TSPAN13: variants seen among roughly 807,000 people sequenced by gnomAD.
TSPAN13 encodes the protein tetraspanin-13.
A neutral mutation model predicts 26.9 loss-of-function variants in TSPAN13; 18 were observed. That is an observed-to-expected ratio of 0.67 (90% CI 0.46 to 0.99). TSPAN13 has a LOEUF of 0.99. TSPAN13 is among the 50% of genes least tolerant of loss of function. TSPAN13 has a pLI of 0.00. For missense variants in TSPAN13, 201 were observed against 249.6 expected, an observed-to-expected ratio of 0.81 and a Z score of 1.31; for synonymous variants, 116 against 98.4, an observed-to-expected ratio of 1.18 and a Z score of -1.06.
Position 16,779,013 on chromosome 7 carries a change from A to G in TSPAN13, c.437A>G (p.Lys146Arg). 1 of 1,612,574 alleles carries G rather than the reference A, an allele frequency of 6.2e-7. No homozygotes were observed. Among genetic ancestry groups the G allele is most frequent in the Non-Finnish European group, 8.5e-7 (1 of 1,179,468 alleles). Residue 146 changes from lysine (K) to arginine (R), a missense_variant, in exon 5 of 6, where the codon AAA (lysine) becomes AGA (arginine). Lys to Arg is a conservative substitution (Grantham distance 26). Transcript: ENST00000262067. ...PNDTCLASCV[K>R]SDHSCSPCAP... ...CTTTAATTGGTGCAGAGCTGTGTTA[A>G]AAGTGACCACTCGTGCTCGCCATGT...
At chr7:16,782,418 AG>A (rs1784823091) in intron 5 of TSPAN13, among the ~76,000 whole-genome samples, 1 of 152,226 alleles carries the variant, frequency 6.6e-6, no homozygotes, top group African/African-American at 2.4e-5. Flanking sequence ...TTAGGTTAAA[AG>A]TTGGCACACG....
rs868846016 is a variant in TSPAN13, at chr7:16,756,201, A to C, written c.63+2171A>C. On this transcript the variant is annotated intron_variant, in intron 1 of 5. Transcript: ENST00000262067. ...TATTTCTCCCCTGATCTCTTTCTCA[A>C]CATTTTAAGATGAAAAAAATGTGAG... Among the ~76,000 whole-genome samples the C allele has an allele frequency of 3.9e-5, 6 of 152,298 alleles. 1 individual carries two copies. The highest frequency in any genetic ancestry group is 4.1e-4 in the South Asian group (2 of 4,826).
chr7:16,762,093 C>T (rs1218170640), intron 1 of TSPAN13, among the ~76,000 whole-genome samples: 4 of 152,114 alleles, frequency 2.6e-5, no homozygotes, highest in Non-Finnish European at 4.4e-5. Context: ...TAGTTGTTTT[C>T]ACAATATTAA....
intron 5 of TSPAN13, among the ~76,000 whole-genome samples, chr7:16,781,719 A>G (rs1784815165): frequency 6.6e-6 from 1 of 152,176 alleles, no homozygotes; most frequent in Non-Finnish European, 1.5e-5. Context: ...TCCAGGGGTG[A>G]TAGTCAAAAT....
chr7:16,781,875 T>C (rs528744440), intron 5 of TSPAN13, among the ~76,000 whole-genome samples: 5 of 152,294 alleles, frequency 3.3e-5, no homozygotes, highest in African/African-American at 1.2e-4. Context: ...ATGTAAGTAT[T>C]TCCGTGTTGT....
In TSPAN13 at chr7:16,753,994, C is replaced by A; in HGVS notation, c.27C>A (p.Ser9=). ...TGGTTTGCGGGGGCTTCGCGTGTTC[C>A]AAGAACTGCCTGTGCGCCCTCAACC... MVCGGFAC[S]KNCLCALNLL... The change falls in exon 1 of 6, where the codon TCC becomes TCA. Residue 9 remains serine (S), a synonymous_variant. Coordinates refer to ENST00000262067, the MANE Select transcript of TSPAN13 (RefSeq NM_014399.4). 6.2e-7 allele frequency: 1 copy of A among 1,613,752 alleles called. No homozygotes were observed. The highest frequency in any genetic ancestry group is 2.2e-5 in the East Asian group (1 of 44,866).
intron 1 of TSPAN13, among the ~76,000 whole-genome samples, chr7:16,767,033 C>A (rs1025233129): frequency 6.6e-6 from 1 of 152,106 alleles, no homozygotes; most frequent in Non-Finnish European, 1.5e-5. Context: ...GCCCAGGACT[C>A]CTGGGCTCAA....
chr7:16,780,743 T>C (rs1404621095), intron 5 of TSPAN13, among the ~76,000 whole-genome samples: 2 of 152,204 alleles, frequency 1.3e-5, no homozygotes, highest in Non-Finnish European at 1.5e-5. Flanking sequence ...AGCAGCCCAG[T>C]TTTCTTGTCA....
At chr7:16,757,469 C>G (rs2115319957) in intron 1 of TSPAN13, among the ~76,000 whole-genome samples, 1 of 151,912 alleles carries the variant, frequency 6.6e-6, no homozygotes, top group Non-Finnish European at 1.5e-5. Flanking sequence ...CCTTGTGCTT[C>G]TTAACCAGAG....
At chr7:16,762,297 G>T (rs1784551115) in intron 1 of TSPAN13, among the ~76,000 whole-genome samples, 1 of 152,254 alleles carries the variant, frequency 6.6e-6, no homozygotes. Flanking sequence ...TGATTCAGCA[G>T]TGTGTTTTGA....
At chr7:16,757,760 A>T (rs1444224311) in intron 1 of TSPAN13, among the ~76,000 whole-genome samples, 2 of 152,170 alleles carry the variant, frequency 1.3e-5, no homozygotes, top group Non-Finnish European at 2.9e-5. Flanking sequence ...GCAGCATAAA[A>T]ATTATACTGA....
At chr7:16,778,640 A>G (rs887104898) in intron 4 of TSPAN13, among the ~76,000 whole-genome samples, 9 of 152,262 alleles carry the variant, frequency 5.9e-5, no homozygotes, top group South Asian at 2.1e-4. Context: ...CTCAGGTCCT[A>G]TGTTACTCTT....
At chr7:16,758,861 G>T (rs1149516) in intron 1 of TSPAN13, among the ~76,000 whole-genome samples, 1,573 of 151,392 alleles carry the variant, frequency 0.01, 35 homozygotes, top group African/African-American at 0.036. Context: ...AATTGTAACT[G>T]TTTGGGGTTA....
chr7:16,767,245 A>G (rs1784614463), intron 1 of TSPAN13, among the ~76,000 whole-genome samples: 1 of 152,210 alleles, frequency 6.6e-6, no homozygotes, highest in African/African-American at 2.4e-5. Flanking sequence ...GTGTATGACA[A>G]TGTCATATAT....
In TSPAN13 at chr7:16,784,430, G is replaced by A. The variant is rs531716464; in HGVS notation, c.*939G>A. 1.4e-4 allele frequency: 22 copies of A among 152,212 alleles called. No individual in the cohort carries two copies. The South Asian group carries it at 4.6e-3, about 32-fold the overall frequency. 9.4% of individuals were successfully genotyped at this position (152,212 alleles called of 1,614,324 possible). On this transcript the variant is annotated 3_prime_UTR_variant, in exon 6 of 6. Coordinates refer to ENST00000262067, the MANE Select transcript of TSPAN13 (RefSeq NM_014399.4). ...TCTCCCATAATTTGAAATTGAAATC[G>A]TATTGTGTGGCTCTGTATATTCTGT... is the stretch of plus-strand genomic sequence containing the variant.
At chr7:16,767,947 T>C (rs999996102) in intron 1 of TSPAN13, among the ~76,000 whole-genome samples, 7 of 152,172 alleles carry the variant, frequency 4.6e-5, no homozygotes, top group Non-Finnish European at 1.0e-4. Context: ...AGTATCGCTC[T>C]TGTTGCCCAA....
intron 1 of TSPAN13, among the ~76,000 whole-genome samples, chr7:16,762,494 C>T (rs1784553813): frequency 6.6e-6 from 1 of 152,212 alleles, no homozygotes; most frequent in East Asian, 1.9e-4. Context: ...ATTTGTCAGC[C>T]TGGGAGTATG....
intron 1 of TSPAN13, among the ~76,000 whole-genome samples, chr7:16,765,624 T>A (rs1200128933): frequency 6.6e-6 from 1 of 152,226 alleles, no homozygotes; most frequent in African/African-American, 2.4e-5. Flanking sequence ...TTTTTAAAAC[T>A]CTTTTTATAT....
At chr7:16,766,949 C>T (rs987423659) in intron 1 of TSPAN13, among the ~76,000 whole-genome samples, 6 of 151,920 alleles carry the variant, frequency 3.9e-5, no homozygotes, top group African/African-American at 1.2e-4. Flanking sequence ...CTCTCTCTTT[C>T]GAGATGAGGA....
Sources: gnomAD v4.1 joint callset for allele counts (sites outside exome capture counted in the v4.1 genomes callset) on GRCh38, gnomAD v4.1.1 for gene constraint, MANE v1.5 for transcripts, NCBI Gene and HGNC (gene_info 2026-07-23, HGNC 2026-07-21) for gene names.